Variants in DNAJC5B observed in about 807,000 individuals in gnomAD.
DNAJC5B encodes the protein dnaJ homolog subfamily C member 5B.
A neutral mutation model predicts 24.7 loss-of-function variants in DNAJC5B; 23 were observed. That is an observed-to-expected ratio of 0.93 (90% confidence interval 0.67 to 1.32). The LOEUF (loss-of-function observed/expected upper bound fraction) is 1.32. DNAJC5B is among the 40% of genes most tolerant of loss of function. DNAJC5B has a pLI of 0.00. For missense variants in DNAJC5B, 238 were observed against 240.8 expected (o/e 0.99, Z 0.08); for synonymous variants, 101 against 90.1 (o/e 1.12, Z -0.68).
chr8:66,085,794 A>G (rs1261564249), intron 5 of DNAJC5B, among the ~76,000 whole-genome samples: 1 of 151,868 alleles, frequency 6.6e-6, no homozygotes, highest in African/African-American at 2.4e-5. Context: ...TTGCTTTTCC[A>G]TATAAATTTT....
At chr8:66,027,725 T>C (rs909852126) in intron 1 of DNAJC5B, among the ~76,000 whole-genome samples, 2 of 152,148 alleles carry the variant, frequency 1.3e-5, no homozygotes, top group African/African-American at 4.8e-5. Flanking sequence ...AATGTTAGGA[T>C]ATGTTCCTCT....
intron 3 of DNAJC5B, among the ~76,000 whole-genome samples, chr8:66,072,047 CA>C (rs1807362316): frequency 5.2e-5 from 1 of 19,326 alleles, no homozygotes. Flanking sequence ...TGGGGCCTGT[CA>C]GGGGGTGGGG....
intron 1 of DNAJC5B, among the ~76,000 whole-genome samples, chr8:66,028,267 G>A (rs1467895172): frequency 4.6e-5 from 7 of 152,122 alleles, no homozygotes; most frequent in Admixed American, 1.3e-4. Context: ...ACTCACCGGC[G>A]CTCATGTCCA....
chr8:66,092,187 T>C (rs1407808531), intron 5 of DNAJC5B, among the ~76,000 whole-genome samples: 4 of 152,168 alleles, frequency 2.6e-5, no homozygotes, highest in Non-Finnish European at 5.9e-5. Context: ...TCATCTCAAT[T>C]TTCAAAATAT....
chr8:66,046,152 C>G (rs1480414320), intron 2 of DNAJC5B, among the ~76,000 whole-genome samples: 2 of 152,174 alleles, frequency 1.3e-5, no homozygotes, highest in Non-Finnish European at 2.9e-5. Flanking sequence ...ATCTTCTTTC[C>G]TGTGTGGCTT....
intron 5 of DNAJC5B, among the ~76,000 whole-genome samples, chr8:66,095,673 A>ACG (rs1180721606): frequency 6.6e-6 from 1 of 150,944 alleles, no homozygotes; most frequent in Non-Finnish European, 1.5e-5. Context: ...ACACACACAC[A>ACG]CACACACACA....
At chr8:66,078,361 T>C (rs566632784) in intron 4 of DNAJC5B, among the ~76,000 whole-genome samples, 3 of 152,258 alleles carry the variant, frequency 2.0e-5, no homozygotes, top group South Asian at 2.1e-4. Flanking sequence ...GTAGCAATCA[T>C]GTGATAAATA....
At chr8:66,026,415 C>T (rs1361803015) in intron 1 of DNAJC5B, among the ~76,000 whole-genome samples, 1 of 152,184 alleles carries the variant, frequency 6.6e-6, no homozygotes, top group Non-Finnish European at 1.5e-5. Context: ...GAAATGTTTT[C>T]TCTTGAATTA....
At chr8:66,030,939 C>T (rs965691182) in intron 1 of DNAJC5B, among the ~76,000 whole-genome samples, 3 of 152,196 alleles carry the variant, frequency 2.0e-5, no homozygotes, top group African/African-American at 2.4e-5. Context: ...TTATTCACAT[C>T]TTGAGGCTGC....
At chr8:66,049,565 A>C (rs1335012982) in intron 2 of DNAJC5B, among the ~76,000 whole-genome samples, 1 of 152,232 alleles carries the variant, frequency 6.6e-6, no homozygotes, top group Non-Finnish European at 1.5e-5. Context: ...AGTAGGCTCT[A>C]TTATCTAGGT....
At chr8:66,096,849 T>C (rs960610223) in intron 5 of DNAJC5B, among the ~76,000 whole-genome samples, 1 of 152,188 alleles carries the variant, frequency 6.6e-6, no homozygotes, top group Non-Finnish European at 1.5e-5. Flanking sequence ...ATCTTCAATA[T>C]AATGTACTTT....
chr8:66,055,620 C>T, intron 3 of DNAJC5B, among the ~76,000 whole-genome samples: 1 of 140,718 alleles, frequency 7.1e-6, no homozygotes, highest in South Asian at 2.1e-4. Flanking sequence ...TTTGTATACC[C>T]TTCTAGAGAG....
chr8:66,076,615 C>A, intron 3 of DNAJC5B, 45 bp from the exon 4 acceptor site: 1 of 1,603,732 alleles, frequency 6.2e-7, no homozygotes, highest in Non-Finnish European at 8.5e-7. Context: ...ATGGTTCATT[C>A]TTGTCAAATA....
At chr8:66,032,385 A>G (rs1806378177) in intron 1 of DNAJC5B, among the ~76,000 whole-genome samples, 1 of 152,214 alleles carries the variant, frequency 6.6e-6, no homozygotes, top group South Asian at 2.1e-4. Context: ...CTTTGAGATG[A>G]CCCACAGAGC....
chr8:66,079,008 T>C (rs1156412944), intron 4 of DNAJC5B, among the ~76,000 whole-genome samples: 1 of 151,322 alleles, frequency 6.6e-6, no homozygotes, highest in Non-Finnish European at 1.5e-5. Context: ...TAAACCTCTT[T>C]CTTTCTATTT....
intron 3 of DNAJC5B, among the ~76,000 whole-genome samples, chr8:66,053,936 CTTT>C (rs60244347): frequency 3.6e-5 from 5 of 138,268 alleles, no homozygotes; most frequent in Admixed American, 7.2e-5. Flanking sequence ...GCCTACTACC[CTTT>C]TTTTTTTTTT....
intron 3 of DNAJC5B, among the ~76,000 whole-genome samples, chr8:66,052,591 A>T (rs1029884835): frequency 6.6e-6 from 1 of 152,234 alleles, no homozygotes; most frequent in African/African-American, 2.4e-5. Flanking sequence ...AAGTCTAGAA[A>T]GGCCTGTCAG....
At chr8:66,056,721 G>C (rs1470935391) in intron 3 of DNAJC5B, 1 of 152,146 alleles carries the variant, frequency 6.6e-6, no homozygotes, top group Non-Finnish European at 1.5e-5. Flanking sequence ...AAAATATCCA[G>C]ATACAAACAA....
At chr8:66,044,867 A>T (rs1445283875) in intron 2 of DNAJC5B, among the ~76,000 whole-genome samples, 1 of 152,218 alleles carries the variant, frequency 6.6e-6, no homozygotes, top group Non-Finnish European at 1.5e-5. Flanking sequence ...TTTGCATAGG[A>T]ATATTATAAT....
Sources: allele counts gnomAD v4.1 joint callset (sites outside exome capture counted in the v4.1 genomes callset), GRCh38; gene constraint gnomAD v4.1.1; transcripts MANE v1.5; gene names NCBI Gene and HGNC (gene_info 2026-07-23, HGNC 2026-07-21).